Variants in ITSN2 observed in about 807,000 individuals in gnomAD.
The protein encoded by ITSN2 is intersectin-2.
ITSN2 carries 156 observed loss-of-function variants against 243.7 expected under a neutral mutation model. The ratio of observed to expected loss-of-function variants is 0.64; its 90% CI spans 0.56 to 0.73. The LOEUF is 0.73. Ranked by LOEUF, ITSN2 falls within the 30% of genes least tolerant of loss-of-function variation. The pLI, the probability that ITSN2 is intolerant of heterozygous loss-of-function variation, is 0.00. For synonymous variants in ITSN2, 703 were observed against 699.9 expected, an observed-to-expected ratio of 1.00 and a Z score of -0.07; for missense variants, 1,801 against 1,996.1, an observed-to-expected ratio of 0.90 and a Z score of 1.86.
rs1672324654 is a variant in ITSN2, at chr2:24,237,708, CT to C, written c.3577+8420del. 2.0e-5 allele frequency among the ~76,000 whole-genome samples: 3 copies of C among 152,194 alleles called. No individual in the cohort carries two copies. In the South Asian group the frequency reaches 6.2e-4, roughly 32 times the overall value. ...CCACCGACACTCATATTCCATCTAT[CT>C]CCAGTTCCTGCCAATTTTCCCTCAG... On this transcript the variant is annotated intron_variant, in intron 29 of 39. Transcript: ENST00000355123.
At chr2:24,217,846 G>GT in intron 31 of ITSN2, 61 bp downstream of exon 31, 1 of 1,138,006 alleles carries the variant, frequency 8.8e-7, no homozygotes, top group Non-Finnish European at 1.3e-6. Context: ...AGGGTTTTGT[G>GT]TGAGTCTCAG....
At chr2:24,255,461 T>C (rs1008274701) in intron 23 of ITSN2, among the ~76,000 whole-genome samples, 3 of 151,154 alleles carry the variant, frequency 2.0e-5, no homozygotes, top group Non-Finnish European at 4.4e-5. Flanking sequence ...AAACCTTGTC[T>C]CTACTAAAAT....
chr2:24,320,827 A>G (rs1684486960), intron 2 of ITSN2, among the ~76,000 whole-genome samples: 1 of 152,122 alleles, frequency 6.6e-6, no homozygotes, highest in South Asian at 2.1e-4. Context: ...GGATTTGTTT[A>G]GCTGGGACCC....
intron 29 of ITSN2, chr2:24,240,648 C>T (rs1314618434): frequency 6.6e-6 from 1 of 152,064 alleles, no homozygotes; most frequent in Non-Finnish European, 1.5e-5. Flanking sequence ...AAATATTGCA[C>T]AAAATATGCC....
intron 20 of ITSN2, among the ~76,000 whole-genome samples, chr2:24,264,469 G>A (rs10189586): frequency 0.98 from 148,850 of 152,200 alleles, 72,784 homozygotes; most frequent in East Asian, 0.99. Flanking sequence ...TGAGTAACCC[G>A]AAGTTGTTAA....
At chr2:24,282,545 A>G (rs955386633) in intron 17 of ITSN2, among the ~76,000 whole-genome samples, 2 of 152,190 alleles carry the variant, frequency 1.3e-5, no homozygotes, top group Non-Finnish European at 2.9e-5. Context: ...GGTCTAACTG[A>G]GCTGGGTAAC....
chr2:24,267,217 C>A (rs1318542580), intron 20 of ITSN2, among the ~76,000 whole-genome samples: 2 of 151,942 alleles, frequency 1.3e-5, no homozygotes, highest in Non-Finnish European at 2.9e-5. Flanking sequence ...AGGGGAACAT[C>A]ACACAGCGGG....
At chr2:24,253,594 T>C (rs1291578757) in intron 24 of ITSN2, among the ~76,000 whole-genome samples, 2 of 152,248 alleles carry the variant, frequency 1.3e-5, no homozygotes, top group Non-Finnish European at 2.9e-5. Flanking sequence ...TATGTCCTAC[T>C]CTAAATTGGT....
At chr2:24,275,466 C>T (rs924688503) in intron 18 of ITSN2, among the ~76,000 whole-genome samples, 2 of 152,152 alleles carry the variant, frequency 1.3e-5, no homozygotes, top group Admixed American at 1.3e-4. Flanking sequence ...ACCAAGGTCA[C>T]CCAGGTAGTA....
intron 29 of ITSN2, among the ~76,000 whole-genome samples, chr2:24,231,469 A>G (rs1383122541): frequency 6.6e-6 from 1 of 152,222 alleles, no homozygotes; most frequent in South Asian, 2.1e-4. Flanking sequence ...GAGTGGGCAA[A>G]GAAGAAAGAT....
chr2:24,247,005 G>C, intron 27 of ITSN2, 112 bp from the exon 28 acceptor site: 1 of 738,162 alleles, frequency 1.4e-6, no homozygotes. Context: ...ATTTAATTTT[G>C]CCTAAAGAGA....
chr2:24,227,000 C>T (rs1194294613), intron 29 of ITSN2, among the ~76,000 whole-genome samples: 1 of 152,032 alleles, frequency 6.6e-6, no homozygotes, highest in Non-Finnish European at 1.5e-5. Context: ...CCTGTAGTCC[C>T]AGCTACTTGG....
At chr2:24,236,666 T>A (rs1366447570) in intron 29 of ITSN2, among the ~76,000 whole-genome samples, 1 of 16,654 alleles carries the variant, frequency 6.0e-5, no homozygotes, top group Non-Finnish European at 1.2e-4. Flanking sequence ...TTCCTGTGTT[T>A]TTTTTTCTTT....
intron 1 of ITSN2, among the ~76,000 whole-genome samples, chr2:24,337,315 A>AATATATATATATACATAT (rs1278959952): frequency 1.2e-4 from 4 of 32,020 alleles, no homozygotes; most frequent in Middle Eastern, 0.019. Flanking sequence ...GTATACACAA[A>AATATATATATATACATAT]ATATATATAT....
Position 24,220,930 on chromosome 2 carries a change from C to T in ITSN2, c.3699+15G>A. ...AGCAGATACCCCGAGAGCTAGCCAG[C>T]AGCAGCCTCCTCACCTCGACGACGA... On this transcript the variant is annotated intron_variant, in intron 30 of 39. Transcript: ENST00000355123. 6.3e-7 allele frequency: 1 copy of T among 1,587,830 alleles called. No homozygotes were observed.
chr2:24,316,215 C>T (rs1241411736), intron 2 of ITSN2, among the ~76,000 whole-genome samples: 1 of 152,150 alleles, frequency 6.6e-6, no homozygotes, highest in Non-Finnish European at 1.5e-5. Context: ...ATACCATCCT[C>T]AAGAGCCTGA....
In ITSN2 at chr2:24,271,805, G is replaced by T. The variant is rs778442538; in HGVS notation, c.2218C>A (p.Arg740Ser). The T allele has an allele frequency of 2.5e-6, 4 of 1,604,704 alleles. No homozygotes were observed. Among genetic ancestry groups the T allele is most frequent in the Non-Finnish European group, 3.4e-6 (4 of 1,177,526 alleles). ...EEERKAEEKQ[R>S]KDKDTLKAEE... The stretch of plus-strand genomic sequence containing the variant: ...GCTTTCAAAGTATCCTTATCCTTAC[G>T]TTGTTTCTCCTCAGCTTTCCGTTCC... Residue 740 changes from arginine to serine, a missense_variant, in exon 19 of 40, where the codon CGT (arginine) becomes AGT (serine). Around this residue, in one of 5 missense-constraint regions of ITSN2, gnomAD observed 787 missense variants for 803.9 expected, o/e 0.98. Coordinates refer to ENST00000355123, the MANE Select transcript of ITSN2 (RefSeq NM_006277.3).
chr2:24,335,315 C>T (rs1686244394), intron 1 of ITSN2, among the ~76,000 whole-genome samples: 1 of 152,150 alleles, frequency 6.6e-6, no homozygotes, highest in African/African-American at 2.4e-5. Flanking sequence ...CCAGAAACTA[C>T]ATCTCTGATG....
At chr2:24,252,686 A>G (rs1481667772) in intron 24 of ITSN2, among the ~76,000 whole-genome samples, 175 bp from the exon 25 acceptor site, 3 of 152,222 alleles carry the variant, frequency 2.0e-5, no homozygotes, top group South Asian at 4.1e-4. Flanking sequence ...CAATTATTTA[A>G]TAATTCCTTA....
Sources: gnomAD v4.1 joint callset for allele counts (sites outside exome capture counted in the v4.1 genomes callset) on GRCh38, gnomAD v4.1.1 for gene constraint, gnomAD v4.1.1 regional missense constraint, MANE v1.5 for transcripts, NCBI Gene and HGNC (gene_info 2026-07-23, HGNC 2026-07-21) for gene names.